The following VPS37A variants were observed in gnomAD, a reference collection of about 807,000 sequenced individuals.
The protein encoded by VPS37A is VPS37A subunit of ESCRT-I, also known as vacuolar protein sorting-associated protein 37A.
A neutral mutation model predicts 49.8 loss-of-function variants in VPS37A; 30 were observed. The ratio of observed to expected loss-of-function variants is 0.60; its 90% CI spans 0.45 to 0.82. VPS37A has a LOEUF of 0.82. Ranked by LOEUF, VPS37A falls within the 40% of genes least tolerant of loss-of-function variation. The pLI, the probability that VPS37A is intolerant of heterozygous loss-of-function variation, is 0.00. For missense variants in VPS37A, 593 were observed against 464.4 expected, an observed-to-expected ratio of 1.28 and a Z score of -2.55; for synonymous variants, 195 against 160.6, an observed-to-expected ratio of 1.21 and a Z score of -1.62.
At chr8:17,332,826 G>A in the VPS37A span, among the ~76,000 whole-genome samples, 6 of 152,116 alleles carry the variant, frequency 3.9e-5, no homozygotes, top group Non-Finnish European at 7.3e-5. Flanking sequence ...TTATAGATAT[G>A]TATTTAAGTT....
intron 6 of VPS37A, among the ~76,000 whole-genome samples, chr8:17,278,089 G>A (rs1290171228): frequency 6.6e-6 from 1 of 151,978 alleles, no homozygotes; most frequent in African/African-American, 2.4e-5. Flanking sequence ...TGGTACCATT[G>A]AAGATGTTTC....
chr8:17,247,795 GT>G (rs1302085415), intron 1 of VPS37A: 5 of 702,148 alleles, frequency 7.1e-6, no homozygotes, highest in African/African-American at 7.0e-5. Context: ...AAATAGAACT[GT>G]TGCAACATCA....
intron 9 of VPS37A, among the ~76,000 whole-genome samples, chr8:17,282,745 GACACACACAC>G (rs149421072): frequency 6.7e-6 from 1 of 149,892 alleles, no homozygotes; most frequent in Non-Finnish European, 1.5e-5. Context: ...TTAAAAAAAA[GACACACACAC>G]ACACACACAC....
the VPS37A span, among the ~76,000 whole-genome samples, chr8:17,324,619 C>G: frequency 6.6e-6 from 1 of 152,250 alleles, no homozygotes; most frequent in African/African-American, 2.4e-5. Context: ...TGATCCATTT[C>G]CTTCTTCTAA....
intron 6 of VPS37A, among the ~76,000 whole-genome samples, chr8:17,279,070 A>T (rs1174890786): frequency 6.6e-6 from 1 of 152,146 alleles, no homozygotes; most frequent in Non-Finnish European, 1.5e-5. Context: ...ACACACATAT[A>T]CATAAACACA....
At chr8:17,263,995 A>T (rs929409607) in intron 1 of VPS37A, among the ~76,000 whole-genome samples, 1 of 152,196 alleles carries the variant, frequency 6.6e-6, no homozygotes, top group African/African-American at 2.4e-5. Context: ...ACCAACCTCC[A>T]TGTTCTACAT....
At chr8:17,259,863 G>T (rs1812812432) in intron 1 of VPS37A, among the ~76,000 whole-genome samples, 1 of 152,010 alleles carries the variant, frequency 6.6e-6, no homozygotes, top group Non-Finnish European at 1.5e-5. Context: ...TTTGTAGTCT[G>T]TTTTATTTGC....
chr8:17,265,696 C>T (rs1039783808), intron 1 of VPS37A: 1 of 1,354,050 alleles, frequency 7.4e-7, no homozygotes, highest in African/African-American at 1.4e-5. Flanking sequence ...CCCCCTTCCC[C>T]TGGATAGTTT....
At chr8:17,326,204 AGTAAGTAG>A in the VPS37A span, 1 of 152,208 alleles carries the variant, frequency 6.6e-6, no homozygotes, top group Non-Finnish European at 1.5e-5. Context: ...CTGCACTCAC[AGTAAGTAG>A]GTAAAAATGG....
chr8:17,265,940 A>G lies in VPS37A; in HGVS notation c.159A>G (p.Arg53=), dbSNP rs555497328. The change falls in exon 2 of 12, where the codon AGA becomes AGG. Residue 53 remains arginine, a synonymous_variant. Coordinates refer to ENST00000324849, the MANE Select transcript of VPS37A (RefSeq NM_152415.3). ...AAATACAGAAAGATGTGGAATACAG[A>G]TTGCCATTCACCATAAACAACCTGA... ...IAEIQKDVEY[R]LPFTINNLTI... 13 of 1,613,418 alleles carry G rather than the reference A, an allele frequency of 8.1e-6. No homozygotes were observed. The highest frequency in any genetic ancestry group is 1.7e-4 in the Middle Eastern group (1 of 5,942).
At chr8:17,279,600 C>A in intron 6 of VPS37A, 3 of 297,942 alleles carry the variant, frequency 1.0e-5, no homozygotes, top group African/African-American at 2.2e-5. Context: ...GAATTAAGAA[C>A]AAGAAAAAAA....
chr8:17,268,737 T>C (rs1563257739), intron 3 of VPS37A, 119 bp from the exon 4 acceptor site: 2 of 712,222 alleles, frequency 2.8e-6, no homozygotes, highest in Non-Finnish European at 4.6e-6. Context: ...GCTAATATCC[T>C]TTTTCATTTA....
rs1816533806 is a variant in VPS37A at position 17,295,221 on chromosome 8, AT to A, written c.*236del. ...TGTTTATTTATTGTTGATAAATTGT[AT>A]CATATTTAAGTTCCACTGCTGTTCC... On this transcript the variant is annotated 3_prime_UTR_variant, in exon 12 of 12. Coordinates refer to ENST00000324849, the MANE Select transcript of VPS37A (RefSeq NM_152415.3). The A allele has an allele frequency of 6.6e-6, 1 of 152,428 alleles. No homozygotes were observed. Among genetic ancestry groups the A allele is most frequent in the African/African-American group, 2.4e-5 (1 of 41,252 alleles). The allele number at this position is 152,428 out of a possible 1,614,324, so 9.4% of individuals were successfully genotyped here.
chr8:17,264,209 A>G (rs1233984927), intron 1 of VPS37A, among the ~76,000 whole-genome samples: 1 of 152,202 alleles, frequency 6.6e-6, no homozygotes, highest in Non-Finnish European at 1.5e-5. Context: ...GAACCCAGGA[A>G]GCCTGACTTG....
chr8:17,331,332 ATG>A, the VPS37A span: 1 of 1,529,470 alleles, frequency 6.5e-7, no homozygotes, highest in Non-Finnish European at 8.7e-7. Flanking sequence ...TGATGAAACA[ATG>A]ATGAAACAAC....
At chr8:17,308,432 T>G in the VPS37A span, among the ~76,000 whole-genome samples, 1 of 152,076 alleles carries the variant, frequency 6.6e-6, no homozygotes, top group African/African-American at 2.4e-5. Flanking sequence ...AAAATAGAAT[T>G]CCTGAAAATC....
At chr8:17,255,165 A>G (rs1812322861) in intron 1 of VPS37A, among the ~76,000 whole-genome samples, 3 of 152,202 alleles carry the variant, frequency 2.0e-5, no homozygotes, top group Admixed American at 2.0e-4. Context: ...AACTAAATAT[A>G]AACATAAATA....
downstream of VPS37A, among the ~76,000 whole-genome samples, chr8:17,301,292 A>C (rs1718945432): frequency 6.6e-6 from 1 of 152,192 alleles, no homozygotes; most frequent in South Asian, 2.1e-4. Flanking sequence ...AGAGGGATGA[A>C]GTGGTAAGGT....
At chr8:17,270,148 C>T (rs1563259635) in intron 4 of VPS37A, among the ~76,000 whole-genome samples, 2 of 152,068 alleles carry the variant, frequency 1.3e-5, no homozygotes, top group Admixed American at 1.3e-4. Context: ...GAGAAATACA[C>T]CCCCATGATC....
Sources: allele counts gnomAD v4.1 joint callset (sites outside exome capture counted in the v4.1 genomes callset), GRCh38; gene constraint gnomAD v4.1.1; transcripts MANE v1.5; gene names NCBI Gene and HGNC (gene_info 2026-07-23, HGNC 2026-07-21).